BCL2: variants seen among roughly 807,000 people sequenced by gnomAD.
BCL2 encodes the protein apoptosis regulator Bcl-2.
In BCL2, 1 loss-of-function variant was observed where a neutral mutation model predicts 14.2. The observed-to-expected ratio is 0.07, with a 90% confidence interval of 0.02 to 0.33. The LOEUF (loss-of-function observed/expected upper bound fraction) is 0.33. BCL2 is among the 10% of genes least tolerant of loss of function. BCL2 has a pLI of 0.99. For missense variants in BCL2, 247 were observed against 305.9 expected (o/e 0.81, Z 1.44); for synonymous variants, 151 against 137.2 (o/e 1.10, Z -0.70).
intron 2 of BCL2, among the ~76,000 whole-genome samples, chr18:63,298,672 C>T (rs897681605): frequency 2.6e-5 from 4 of 152,240 alleles, no homozygotes; most frequent in African/African-American, 9.6e-5. Flanking sequence ...AACTACCTAT[C>T]TCTTTCTAGG....
At chr18:63,201,869 C>G (rs1247669491) in intron 2 of BCL2, among the ~76,000 whole-genome samples, 4 of 151,996 alleles carry the variant, frequency 2.6e-5, no homozygotes, top group Non-Finnish European at 5.9e-5. Context: ...AGGAGAAATA[C>G]CTAATGTATG....
chr18:63,315,703 CA>C (rs1382924234), intron 2 of BCL2: 1 of 152,126 alleles, frequency 6.6e-6, no homozygotes, highest in Non-Finnish European at 1.5e-5. Flanking sequence ...GATGTAACCC[CA>C]ATTGGTGTAA....
At chr18:63,232,553 C>T (rs958516393) in intron 2 of BCL2, among the ~76,000 whole-genome samples, 2 of 152,212 alleles carry the variant, frequency 1.3e-5, no homozygotes, top group Admixed American at 6.5e-5. Context: ...AACACATAAC[C>T]TCATAAGTAA....
At chr18:63,263,786 C>T (rs1911732326) in intron 2 of BCL2, among the ~76,000 whole-genome samples, 2 of 152,202 alleles carry the variant, frequency 1.3e-5, no homozygotes, top group Admixed American at 1.3e-4. Flanking sequence ...TCAGTATCCT[C>T]ACCCATACAA....
chr18:63,137,993 A>G (rs1220926315), intron 2 of BCL2, among the ~76,000 whole-genome samples: 2 of 152,256 alleles, frequency 1.3e-5, no homozygotes, highest in African/African-American at 4.8e-5. Flanking sequence ...CTGGAGACTC[A>G]TTGGCAATAC....
chr18:63,211,485 T>C (rs948400572), intron 2 of BCL2, among the ~76,000 whole-genome samples: 1 of 152,224 alleles, frequency 6.6e-6, no homozygotes, highest in African/African-American at 2.4e-5. Context: ...GACATTTTTT[T>C]ATTTGCAGTT....
Position 63,305,074 on chromosome 18 carries a change from C to T in BCL2, c.585+13008G>A, listed in dbSNP as rs1016551046. On this transcript the variant is annotated intron_variant, in intron 2 of 2. Coordinates refer to ENST00000333681, the MANE Select transcript of BCL2 (RefSeq NM_000633.3). ...TGTCCAAGCCCGCCTGGCTCATAAGCGCATCCTCACAGGGTCTTGAGCTGA... is the reference window on the plus strand; with the variant it reads ...TGTCCAAGCCCGCCTGGCTCATAAGTGCATCCTCACAGGGTCTTGAGCTGA... Among the ~76,000 whole-genome samples, 7 of 152,154 alleles carry T rather than the reference C, an allele frequency of 4.6e-5. No individual in the cohort carries two copies. The South Asian group carries it at 8.3e-4, about 18-fold the overall frequency.
At chr18:63,176,894 G>A (rs1464302708) in intron 2 of BCL2, among the ~76,000 whole-genome samples, 12 of 151,018 alleles carry the variant, frequency 7.9e-5, no homozygotes, top group African/African-American at 2.4e-4. Flanking sequence ...AACCCTTCCC[G>A]AAGAACTTGA....
chr18:63,152,829 C>T (rs528029078), intron 2 of BCL2, among the ~76,000 whole-genome samples: 91 of 152,308 alleles, frequency 6.0e-4, no homozygotes, highest in African/African-American at 2.2e-3. Flanking sequence ...ACCATATCTT[C>T]AATTTTTGTA....
intron 2 of BCL2, among the ~76,000 whole-genome samples, chr18:63,179,796 G>A (rs965420517): frequency 1.1e-4 from 17 of 152,134 alleles, no homozygotes; most frequent in African/African-American, 3.9e-4. Context: ...CTAACTCGCC[G>A]GTGAGAGTTC....
chr18:63,254,705 T>G (rs992088790), intron 2 of BCL2, among the ~76,000 whole-genome samples: 1 of 152,214 alleles, frequency 6.6e-6, no homozygotes, highest in African/African-American at 2.4e-5. Context: ...AAATATGGGT[T>G]ATAGAAAAGA....
At position 63,318,694 on chromosome 18, in the gene BCL2, C is replaced by G. The variant is rs751238437; in HGVS notation, c.-28G>C. 1 of 1,612,070 alleles carries G rather than the reference C, an allele frequency of 6.2e-7. No individual in the cohort carries two copies. Among genetic ancestry groups the G allele is most frequent in the Admixed American group, 1.7e-5 (1 of 59,916 alleles). The stretch of plus-strand genomic sequence containing the variant: ...TTCCCAGAGGAAAAGCAACGGGGGC[C>G]AACGGCACCTCTCGCCCCAGCTCCC... On this transcript the variant is annotated 5_prime_UTR_variant, in exon 2 of 3. Coordinates refer to ENST00000333681, the MANE Select transcript of BCL2 (RefSeq NM_000633.3). This position sits in a 1 kb window ranked among gnomAD's most constrained non-coding sequence, Gnocchi z 7.4.
chr18:63,303,468 C>T (rs1169355864), intron 2 of BCL2, among the ~76,000 whole-genome samples: 1 of 152,124 alleles, frequency 6.6e-6, no homozygotes, highest in Non-Finnish European at 1.5e-5. Context: ...TAACTGGCTT[C>T]CTAAAGAACC....
chr18:63,282,672 C>A (rs1029325549), intron 2 of BCL2, among the ~76,000 whole-genome samples: 1 of 152,118 alleles, frequency 6.6e-6, no homozygotes, highest in African/African-American at 2.4e-5. Flanking sequence ...CCAAAATCTA[C>A]TAATGACTTC....
chr18:63,208,600 G>T (rs1220412198), intron 2 of BCL2, among the ~76,000 whole-genome samples: 1 of 152,122 alleles, frequency 6.6e-6, no homozygotes, highest in African/African-American at 2.4e-5. Flanking sequence ...CTGGGGGCTG[G>T]GGGGAGTGGG....
intron 2 of BCL2, among the ~76,000 whole-genome samples, chr18:63,160,353 G>T (rs4987808): frequency 0.2 from 30,176 of 152,206 alleles, 3,816 homozygotes; most frequent in Middle Eastern, 0.3. Context: ...CAGCCGCCCT[G>T]TCGGCACTCA....
intron 2 of BCL2, among the ~76,000 whole-genome samples, chr18:63,171,252 A>G (rs1303223618): frequency 6.6e-6 from 1 of 152,234 alleles, no homozygotes; most frequent in East Asian, 1.9e-4. Context: ...GAAAAAAAAC[A>G]AAAACCAACA....
intron 2 of BCL2, among the ~76,000 whole-genome samples, chr18:63,159,409 A>AG (rs1914862805): frequency 6.6e-6 from 1 of 152,210 alleles, no homozygotes; most frequent in South Asian, 2.1e-4. Context: ...TTTTCCTGTT[A>AG]GGCAAAAGCA....
chr18:63,288,339 C>T (rs1012238221), intron 2 of BCL2, among the ~76,000 whole-genome samples: 2 of 152,188 alleles, frequency 1.3e-5, no homozygotes, highest in African/African-American at 2.4e-5. Flanking sequence ...ATACTTGCCA[C>T]GAACACTACC....
Sources: allele counts gnomAD v4.1 joint callset (sites outside exome capture counted in the v4.1 genomes callset), GRCh38; gene constraint gnomAD v4.1.1; non-coding constraint Gnocchi (gnomAD v3.1); transcripts MANE v1.5; gene names NCBI Gene and HGNC (gene_info 2026-07-23, HGNC 2026-07-21).